RIT2: variants seen among roughly 807,000 people sequenced by gnomAD.
RIT2 encodes GTP-binding protein Rit2.
Under a neutral mutation model 23.7 loss-of-function variants are expected in RIT2, and 24 were observed. The observed-to-expected ratio is 1.01, with a 90% CI of 0.73 to 1.43. The LOEUF (loss-of-function observed/expected upper bound fraction) is 1.43, where lower values mean the gene tolerates loss of function less well. RIT2 is among the 40% of genes most tolerant of loss of function. RIT2 has a pLI of 0.00. For synonymous variants in RIT2, 107 were observed against 91.1 expected (o/e 1.17, Z -0.99); for missense variants, 236 against 266.9 (o/e 0.88, Z 0.81).
chr18:43,015,678 T>A (rs1033793783), intron 2 of RIT2, among the ~76,000 whole-genome samples: 2 of 151,644 alleles, frequency 1.3e-5, no homozygotes, highest in Admixed American at 6.6e-5. Flanking sequence ...GATTTATTGA[T>A]CAGATATCCC....
At chr18:43,080,827 G>T (rs890783506) in intron 1 of RIT2, among the ~76,000 whole-genome samples, 2 of 152,106 alleles carry the variant, frequency 1.3e-5, no homozygotes, top group African/African-American at 4.8e-5. Context: ...TTTTATTCCT[G>T]TTGTGTCCTG....
At chr18:43,036,416 T>C (rs1036602030) in intron 1 of RIT2, among the ~76,000 whole-genome samples, 6 of 152,054 alleles carry the variant, frequency 3.9e-5, no homozygotes, top group African/African-American at 1.4e-4. Context: ...GGCGCATGCT[T>C]GTTATCCCAG....
rs565668773 is a variant in RIT2, at chr18:42,849,969, C to T, written c.426+73603G>A. Among the ~76,000 whole-genome samples, 9 of 152,122 alleles carry T rather than the reference C, an allele frequency of 5.9e-5. No homozygotes were observed. In the East Asian group the frequency reaches 1.7e-3, roughly 29 times the overall value. ...TAAGTTTCCCTTAAACAATAATAGTCCACAATTCTTATGTTAAGTATTCTG... is the reference window on the plus strand; with the variant it reads ...TAAGTTTCCCTTAAACAATAATAGTTCACAATTCTTATGTTAAGTATTCTG... On this transcript the variant is annotated intron_variant, in intron 4 of 4. Coordinates refer to ENST00000326695, the MANE Select transcript of RIT2 (RefSeq NM_002930.4).
At chr18:43,073,498 T>G (rs998958879) in intron 1 of RIT2, among the ~76,000 whole-genome samples, 2 of 152,220 alleles carry the variant, frequency 1.3e-5, no homozygotes, top group Admixed American at 6.5e-5. Context: ...TATATTTACA[T>G]GTAAATTATT....
At chr18:43,108,680 C>G (rs1395973271) in intron 1 of RIT2, among the ~76,000 whole-genome samples, 1 of 152,118 alleles carries the variant, frequency 6.6e-6, no homozygotes, top group Non-Finnish European at 1.5e-5. Flanking sequence ...TCAATCAAAG[C>G]CTTTCGCCTG....
intron 1 of RIT2, among the ~76,000 whole-genome samples, chr18:43,114,441 G>A (rs949961539): frequency 5.9e-5 from 9 of 151,794 alleles, no homozygotes; most frequent in South Asian, 2.1e-4. Flanking sequence ...TATTGTCTTC[G>A]TCTTTTAATT....
chr18:43,001,591 A>C (rs1478561793), intron 2 of RIT2, among the ~76,000 whole-genome samples: 1 of 151,996 alleles, frequency 6.6e-6, no homozygotes, highest in African/African-American at 2.4e-5. Flanking sequence ...GGAATTATGG[A>C]AACAGATAGG....
intron 4 of RIT2, among the ~76,000 whole-genome samples, chr18:42,800,996 C>T (rs1905525661): frequency 2.0e-5 from 3 of 152,114 alleles, no homozygotes; most frequent in South Asian, 4.2e-4. Flanking sequence ...TCCGTAGCAC[C>T]AATTTTTTTA....
At chr18:42,811,253 G>A (rs2143976740) in intron 4 of RIT2, among the ~76,000 whole-genome samples, 1 of 152,132 alleles carries the variant, frequency 6.6e-6, no homozygotes, top group Non-Finnish European at 1.5e-5. Flanking sequence ...ATTATCCATA[G>A]TTTTCCACTG....
At position 43,029,923 on chromosome 18, in the gene RIT2, A is replaced by G. The variant is rs192483800; in HGVS notation, c.160+3888T>C. On this transcript the variant is annotated intron_variant, in intron 2 of 4. Transcript: ENST00000326695. ...ATAAAAGACCACTAGAACACCTTTG[A>G]TTAGTTATTAGTTTAGTTGCTCACC... Among the ~76,000 whole-genome samples, 454 of 152,148 alleles carry G rather than the reference A, an allele frequency of 3.0e-3. 5 individuals are homozygous for G. Among genetic ancestry groups the G allele is most frequent in the African/African-American group, 0.01 (428 of 41,572 alleles).
chr18:42,979,602 T>C (rs1910550453), intron 2 of RIT2, among the ~76,000 whole-genome samples: 1 of 152,186 alleles, frequency 6.6e-6, no homozygotes. Context: ...TGTGTGTCTG[T>C]GTGTACAGAG....
chr18:43,020,808 T>A (rs986284483), intron 2 of RIT2, among the ~76,000 whole-genome samples: 2 of 152,174 alleles, frequency 1.3e-5, no homozygotes, highest in East Asian at 3.9e-4. Flanking sequence ...TAGATATCCA[T>A]ATGCAAAAGA....
intron 4 of RIT2, among the ~76,000 whole-genome samples, chr18:42,804,561 TAAAAAAAAAA>T (rs564202513): frequency 0.019 from 1,021 of 52,870 alleles, 21 homozygotes; most frequent in East Asian, 0.13. Context: ...GCCTCAAAAC[TAAAAAAAAAA>T]AAAAAAAAAA....
intron 4 of RIT2, among the ~76,000 whole-genome samples, chr18:42,915,804 A>G (rs916980881): frequency 6.6e-6 from 1 of 151,958 alleles, no homozygotes; most frequent in African/African-American, 2.4e-5. Context: ...TAATATAAAC[A>G]TTATGTTTAA....
Position 42,924,830 on chromosome 18 carries a change from C to T in RIT2, c.235-1067G>A, listed in dbSNP as rs139686273. Among the ~76,000 whole-genome samples the T allele has an allele frequency of 4.8e-4, 73 of 152,146 alleles. No individual in the cohort carries two copies. In the East Asian group the frequency reaches 0.011, roughly 23 times the overall value. ...TTTAAATAAATGTCAATTTGATTTA[C>T]GCTAGCTTGAAAGATGGGAGCATTT... On this transcript the variant is annotated intron_variant, in intron 3 of 4. Coordinates refer to ENST00000326695, the MANE Select transcript of RIT2 (RefSeq NM_002930.4).
intron 1 of RIT2, among the ~76,000 whole-genome samples, chr18:43,113,951 C>T (rs1269457040): frequency 1.3e-5 from 2 of 152,106 alleles, no homozygotes; most frequent in Non-Finnish European, 2.9e-5. Flanking sequence ...CTTTCTTCCT[C>T]ACTGTATCTG....
chr18:42,988,263 A>G (rs1035929068), intron 2 of RIT2, among the ~76,000 whole-genome samples: 2 of 152,202 alleles, frequency 1.3e-5, no homozygotes, highest in Non-Finnish European at 2.9e-5. Flanking sequence ...CTGAATTGTA[A>G]GAAAAGAGAA....
chr18:42,864,776 A>G (rs1285010994), intron 4 of RIT2, among the ~76,000 whole-genome samples: 2 of 152,102 alleles, frequency 1.3e-5, no homozygotes, highest in Non-Finnish European at 2.9e-5. Context: ...AAGCTTAACA[A>G]TTTTCAGTCC....
chr18:42,908,565 A>C (rs1908684303), intron 4 of RIT2, among the ~76,000 whole-genome samples: 1 of 152,202 alleles, frequency 6.6e-6, no homozygotes, highest in South Asian at 2.1e-4. Context: ...ATTTTCTATA[A>C]AGAAAAAGCA....
Sources: gnomAD v4.1 joint callset for allele counts (sites outside exome capture counted in the v4.1 genomes callset) on GRCh38, gnomAD v4.1.1 for gene constraint, MANE v1.5 for transcripts, NCBI Gene and HGNC (gene_info 2026-07-23, HGNC 2026-07-21) for gene names.